The following CSMD1 variants were observed in gnomAD, a reference collection of about 807,000 sequenced individuals.
CSMD1 encodes CUB and sushi domain-containing protein 1.
In CSMD1, 213 loss-of-function variants were observed where a neutral mutation model predicts 417.5. The observed-to-expected ratio is 0.51, with a 90% confidence interval of 0.46 to 0.57. CSMD1 has a LOEUF of 0.57. Ranked by LOEUF, CSMD1 falls within the 20% of genes least tolerant of loss-of-function variation. CSMD1 has a pLI of 0.00. For missense variants in CSMD1, 6,923 were observed against 4,529.7 expected, an observed-to-expected ratio of 1.53 and a Z score of -15.17; for synonymous variants, 2,862 against 1,736.8, an observed-to-expected ratio of 1.65 and a Z score of -16.11.
At chr8:4,338,455 G>C (rs567872193) in intron 3 of CSMD1, among the ~76,000 whole-genome samples, 1 of 152,076 alleles carries the variant, frequency 6.6e-6, no homozygotes, top group Non-Finnish European at 1.5e-5. Flanking sequence ...AAACCTGGAC[G>C]TTTACACCTG....
chr8:3,775,608 G>A (rs995978543), intron 5 of CSMD1, among the ~76,000 whole-genome samples: 8 of 152,108 alleles, frequency 5.3e-5, no homozygotes, highest in Non-Finnish European at 8.8e-5. Context: ...AGTAAAGTTC[G>A]TAAATTGTTG....
chr8:3,427,462 G>A (rs927485017), intron 12 of CSMD1, among the ~76,000 whole-genome samples: 3 of 151,836 alleles, frequency 2.0e-5, no homozygotes, highest in African/African-American at 7.3e-5. Flanking sequence ...ATATATTTTT[G>A]AAACCTTTAA....
At chr8:4,867,834 G>C (rs1291345926) in intron 1 of CSMD1, among the ~76,000 whole-genome samples, 6 of 152,058 alleles carry the variant, frequency 3.9e-5, no homozygotes, top group Admixed American at 3.9e-4. Context: ...ACATTTAACA[G>C]AGTGTAAATT....
At chr8:3,293,033 A>G (rs948804733) in intron 25 of CSMD1, among the ~76,000 whole-genome samples, 5 of 149,282 alleles carry the variant, frequency 3.3e-5, no homozygotes, top group Admixed American at 2.7e-4. Context: ...TGGTGACAAA[A>G]TCTCTCAGCA....
intron 6 of CSMD1, among the ~76,000 whole-genome samples, chr8:3,750,137 G>A (rs925525165): frequency 6.6e-6 from 1 of 152,058 alleles, no homozygotes; most frequent in African/African-American, 2.4e-5. Flanking sequence ...GAACCACAAA[G>A]GGTTTCTTAG....
chr8:4,305,768 T>G (rs558884975), intron 3 of CSMD1, among the ~76,000 whole-genome samples: 12 of 152,290 alleles, frequency 7.9e-5, no homozygotes, highest in Middle Eastern at 3.4e-3. Context: ...ATCTGTATTT[T>G]AAATTTCACT....
At chr8:4,358,547 A>C (rs1028573887) in intron 3 of CSMD1, among the ~76,000 whole-genome samples, 1 of 152,216 alleles carries the variant, frequency 6.6e-6, no homozygotes, top group African/African-American at 2.4e-5. Context: ...GATATGGCCT[A>C]CAAAACTTAA....
intron 4 of CSMD1, among the ~76,000 whole-genome samples, chr8:4,027,150 T>C (rs1455419978): frequency 1.3e-5 from 2 of 152,114 alleles, no homozygotes; most frequent in East Asian, 1.9e-4. Flanking sequence ...CACTACCAGG[T>C]GGAATTGCAC....
At chr8:3,400,215 A>G (rs191592950) in intron 15 of CSMD1, among the ~76,000 whole-genome samples, 45 of 152,280 alleles carry the variant, frequency 3.0e-4, no homozygotes, top group Admixed American at 2.7e-3. Context: ...TAAATAGCAT[A>G]CCAATATTTC....
chr8:4,688,950 A>G (rs1277977609), intron 1 of CSMD1, among the ~76,000 whole-genome samples: 3 of 152,232 alleles, frequency 2.0e-5, no homozygotes, highest in Non-Finnish European at 4.4e-5. Flanking sequence ...TTATTTTTCA[A>G]GAAATGGCCA....
intron 2 of CSMD1, among the ~76,000 whole-genome samples, chr8:4,466,502 G>C (rs944936234): frequency 6.6e-6 from 1 of 152,156 alleles, no homozygotes; most frequent in Non-Finnish European, 1.5e-5. Context: ...AAATGTTGAA[G>C]TTTATTGTTT....
chr8:3,978,121 A>G (rs1813580266), intron 5 of CSMD1, among the ~76,000 whole-genome samples: 1 of 152,168 alleles, frequency 6.6e-6, no homozygotes, highest in Non-Finnish European at 1.5e-5. Context: ...TAACAAAACG[A>G]AAAGCAAGCC....
chr8:4,954,129 G>T (rs1352270552), intron 1 of CSMD1, among the ~76,000 whole-genome samples: 5 of 151,938 alleles, frequency 3.3e-5, no homozygotes, highest in African/African-American at 4.8e-5. Context: ...ATTTCTAAAT[G>T]CCAAAGAGTA....
intron 25 of CSMD1, among the ~76,000 whole-genome samples, chr8:3,291,673 T>C (rs557998222): frequency 3.9e-5 from 6 of 152,264 alleles, no homozygotes; most frequent in Admixed American, 6.5e-5. Flanking sequence ...GGTGGTGATA[T>C]TACCTTTATC....
chr8:4,689,687 T>C (rs1806636389), intron 1 of CSMD1, among the ~76,000 whole-genome samples: 1 of 152,174 alleles, frequency 6.6e-6, no homozygotes, highest in Admixed American at 6.5e-5. Context: ...CGAAATGCCT[T>C]TGCTTTGGTT....
At chr8:3,504,005 C>G (rs1457933320) in intron 10 of CSMD1, among the ~76,000 whole-genome samples, 1 of 152,118 alleles carries the variant, frequency 6.6e-6, no homozygotes, top group African/African-American at 2.4e-5. Context: ...TAGATAGGTG[C>G]AATCAGTTCC....
At chr8:4,245,700 G>A (rs1050086939) in intron 3 of CSMD1, among the ~76,000 whole-genome samples, 1 of 151,844 alleles carries the variant, frequency 6.6e-6, no homozygotes, top group Non-Finnish European at 1.5e-5. Context: ...CCTATGTGAG[G>A]TAATTTTTTC....
chr8:4,231,900 A>G (rs1700048), intron 3 of CSMD1, among the ~76,000 whole-genome samples: 1 of 150,684 alleles, frequency 6.6e-6, no homozygotes, highest in South Asian at 2.1e-4. Context: ...GTTTTACTAA[A>G]ATTTCTGAAT....
chr8:2,994,127 C>G (rs1806653477), intron 54 of CSMD1, among the ~76,000 whole-genome samples: 1 of 70,742 alleles, frequency 1.4e-5, no homozygotes, highest in Admixed American at 2.4e-4. Flanking sequence ...GCCTGGGCAA[C>G]AGAGCAAAAC....
Sources: gnomAD v4.1 joint callset for allele counts (sites outside exome capture counted in the v4.1 genomes callset) on GRCh38, gnomAD v4.1.1 for gene constraint, MANE v1.5 for transcripts, NCBI Gene and HGNC (gene_info 2026-07-23, HGNC 2026-07-21) for gene names.